Variants in SMOC2 observed in about 807,000 individuals in gnomAD.
SMOC2 encodes the protein SPARC-related modular calcium-binding protein 2.
In SMOC2, 39 loss-of-function variants were observed where a neutral mutation model predicts 61.4. The observed-to-expected ratio is 0.64, with a 90% confidence interval of 0.49 to 0.83. The LOEUF (loss-of-function observed/expected upper bound fraction) is 0.83. Ranked by LOEUF, SMOC2 falls within the 40% of genes least tolerant of loss-of-function variation. The probability of loss-of-function intolerance (pLI) is 0.00; values close to 1 mark genes in which losing one functional copy is unlikely to be tolerated. For synonymous variants in SMOC2, 247 were observed against 239.9 expected, an observed-to-expected ratio of 1.03 and a Z score of -0.27; for missense variants, 556 against 592.9, an observed-to-expected ratio of 0.94 and a Z score of 0.65.
intron 4 of SMOC2, among the ~76,000 whole-genome samples, chr6:168,540,837 C>T (rs1474165369): frequency 2.6e-5 from 4 of 152,064 alleles, no homozygotes; most frequent in Non-Finnish European, 4.4e-5. Flanking sequence ...GGGTGAGCCG[C>T]AGGCTTGTTT....
intron 11 of SMOC2, among the ~76,000 whole-genome samples, chr6:168,657,377 T>C (rs911736432): frequency 1.3e-5 from 2 of 152,272 alleles, no homozygotes; most frequent in African/African-American, 4.8e-5. Context: ...TCCACTCTGC[T>C]GGGCTACACT....
chr6:168,576,180 T>C (rs1267200860), intron 7 of SMOC2, among the ~76,000 whole-genome samples: 1 of 152,158 alleles, frequency 6.6e-6, no homozygotes, highest in East Asian at 1.9e-4. Context: ...TCCTCAACTC[T>C]GCTCATTCAA....
At chr6:168,574,129 T>C (rs1784738477) in intron 7 of SMOC2, among the ~76,000 whole-genome samples, 1 of 152,266 alleles carries the variant, frequency 6.6e-6, no homozygotes, top group South Asian at 2.1e-4. Flanking sequence ...CCTGCACATG[T>C]GATCTCTGTG....
chr6:168,650,211 G>A (rs1787156302), intron 9 of SMOC2, among the ~76,000 whole-genome samples: 1 of 152,186 alleles, frequency 6.6e-6, no homozygotes, highest in Non-Finnish European at 1.5e-5. Flanking sequence ...GGGAGCTCCT[G>A]CTGTTTGCCC....
Position 168,452,845 on chromosome 6 carries a change from G to A in SMOC2, c.84+11391G>A, listed in dbSNP as rs62424584. Among the ~76,000 whole-genome samples, 90 of 152,314 alleles carry A rather than the reference G, an allele frequency of 5.9e-4. No individual in the cohort carries two copies. Among genetic ancestry groups the A allele is most frequent in the Admixed American group, 3.7e-3 (56 of 15,308 alleles). On this transcript the variant is annotated intron_variant, in intron 1 of 12. Transcript: ENST00000356284. The surrounding 1 kb of genome is among the most constrained non-coding windows in gnomAD (Gnocchi z 5.0). ...AGGAAGGAGGGCAGCCCGCCAGGCC[G>A]AGGCTTTTGTCCTGCTCTGCTCCTG...
chr6:168,522,239 G>A (rs1365045042), intron 2 of SMOC2, among the ~76,000 whole-genome samples: 2 of 152,168 alleles, frequency 1.3e-5, no homozygotes, highest in African/African-American at 2.4e-5. Flanking sequence ...ACTTGTGTCT[G>A]TTGGCTGGAC....
rs1179311656 is a variant in SMOC2, at chr6:168,629,152, G to C, written c.907+20913G>C. Among the ~76,000 whole-genome samples the C allele has an allele frequency of 6.6e-5, 10 of 152,230 alleles. No individual in the cohort carries two copies. The East Asian group carries it at 1.5e-3, about 23-fold the overall frequency. On this transcript the variant is annotated intron_variant, in intron 9 of 12. Transcript: ENST00000356284. ...TGTGCTCCTGCCTTTGCTGTTCCTGGAGTTTTGTGCACACAATGTGTGACA... is the reference window on the plus strand; with the variant it reads ...TGTGCTCCTGCCTTTGCTGTTCCTGCAGTTTTGTGCACACAATGTGTGACA...
In SMOC2 at chr6:168,653,119, T is replaced by C; in HGVS notation, c.1176T>C (p.Phe392=). ...KSKPKKCVKK[F]VEYCDVNNDK... ...AGCCCAAAAAATGTGTGAAGAAGTT[T>C]GTTGAATACTGTGACGTGAATAATG... The change falls in exon 11 of 13, where the codon TTT becomes TTC. Residue 392 remains phenylalanine, a synonymous_variant. Transcript: ENST00000356284. The C allele has an allele frequency of 6.2e-7, 1 of 1,614,168 alleles. No individual in the cohort carries two copies. The highest frequency in any genetic ancestry group is 1.1e-5 in the South Asian group (1 of 91,082).
intron 9 of SMOC2, among the ~76,000 whole-genome samples, chr6:168,627,545 T>C (rs1786446433): frequency 6.6e-6 from 1 of 152,222 alleles, no homozygotes; most frequent in South Asian, 2.1e-4. Context: ...CCAGTGACTC[T>C]GGTAGTTGCT....
At chr6:168,455,246 T>A (rs116981343) in intron 1 of SMOC2, among the ~76,000 whole-genome samples, 5,638 of 152,300 alleles carry the variant, frequency 0.037, 162 homozygotes, top group South Asian at 0.13. Flanking sequence ...GGCAGCCGAC[T>A]TGGGGTCTGG....
At chr6:168,549,038 G>T (rs1047588881) in intron 6 of SMOC2, 91 bp from the exon 7 acceptor site, 1 of 917,396 alleles carries the variant, frequency 1.1e-6, no homozygotes, top group Admixed American at 1.7e-5. Context: ...ATTTATTTTG[G>T]CTGTTGGACT....
chr6:168,489,736 A>T (rs977599933), intron 1 of SMOC2, among the ~76,000 whole-genome samples: 1 of 131,744 alleles, frequency 7.6e-6, no homozygotes, highest in African/African-American at 2.9e-5. Flanking sequence ...CTGTTTTAGA[A>T]TGAAATATAT....
intron 8 of SMOC2, among the ~76,000 whole-genome samples, chr6:168,604,131 C>A (rs1785626516): frequency 6.6e-6 from 1 of 152,208 alleles, no homozygotes; most frequent in African/African-American, 2.4e-5. Flanking sequence ...GGCCATTAGG[C>A]AGGTTCCCCT....
At chr6:168,565,042 T>G (rs1454576213) in intron 7 of SMOC2, among the ~76,000 whole-genome samples, 1 of 152,200 alleles carries the variant, frequency 6.6e-6, no homozygotes, top group Non-Finnish European at 1.5e-5. Flanking sequence ...GGTATAAATT[T>G]TGCAGGGAAT....
At chr6:168,516,376 CA>C (rs3065283) in intron 2 of SMOC2, among the ~76,000 whole-genome samples, 25,587 of 133,796 alleles carry the variant, frequency 0.19, 2,234 homozygotes, top group East Asian at 0.24. Flanking sequence ...ATAGAAAAGC[CA>C]AAAAAAAAAA....
chr6:168,575,973 C>T (rs894769764), intron 7 of SMOC2, among the ~76,000 whole-genome samples: 4 of 152,064 alleles, frequency 2.6e-5, no homozygotes, highest in Non-Finnish European at 5.9e-5. Flanking sequence ...GGAGGCAGCC[C>T]GCCATGAGAC....
chr6:168,494,347 C>T (rs1055794688), intron 1 of SMOC2, among the ~76,000 whole-genome samples: 9 of 152,196 alleles, frequency 5.9e-5, no homozygotes, highest in African/African-American at 1.9e-4. Flanking sequence ...TCAGCAGACA[C>T]GCACCTAATG....
chr6:168,490,486 G>A (rs1262585489), intron 1 of SMOC2, among the ~76,000 whole-genome samples: 1 of 152,194 alleles, frequency 6.6e-6, no homozygotes, highest in Non-Finnish European at 1.5e-5. Flanking sequence ...ACCCCTTGAT[G>A]GCCTGCACGC....
chr6:168,460,461 TTAA>T (rs913025927), intron 1 of SMOC2, among the ~76,000 whole-genome samples: 5 of 152,216 alleles, frequency 3.3e-5, no homozygotes, highest in Admixed American at 1.3e-4. Context: ...TCTGTCTTAC[TTAA>T]TAATATTTAG....
Sources: allele counts gnomAD v4.1 joint callset (sites outside exome capture counted in the v4.1 genomes callset), GRCh38; gene constraint gnomAD v4.1.1; non-coding constraint Gnocchi (gnomAD v3.1); transcripts MANE v1.5; gene names NCBI Gene and HGNC (gene_info 2026-07-23, HGNC 2026-07-21).